The following PKD1L3 variants were observed in gnomAD, a reference collection of about 807,000 sequenced individuals.
PKD1L3 encodes the protein polycystin-1-like protein 3.
A neutral mutation model predicts 184.1 loss-of-function variants in PKD1L3; 239 were observed. The observed-to-expected ratio is 1.30, with a 90% CI of 1.17 to 1.45. The LOEUF (loss-of-function observed/expected upper bound fraction) is 1.45, where lower values mean the gene tolerates loss of function less well. Among genes scored for constraint, PKD1L3 ranks in the 40% most tolerant of loss-of-function variants. The probability of loss-of-function intolerance (pLI) is 0.00; values close to 1 mark genes in which losing one functional copy is unlikely to be tolerated. For synonymous variants in PKD1L3, 996 were observed against 778.8 expected (o/e 1.28, Z -4.64); for missense variants, 2,660 against 2,067.2 (o/e 1.29, Z -5.56).
chr16:71,943,022 G>C lies in PKD1L3; in HGVS notation c.3862C>G (p.Gln1288Glu), dbSNP rs948929350. The change falls in exon 24 of 30, where the codon CAA (glutamine) becomes GAA (glutamate). Residue 1288 changes from glutamine (Q) to glutamate (E), a missense_variant and splice_region_variant. Gln to Glu is a conservative substitution (Grantham distance 29). Coordinates refer to ENST00000620267, the MANE Select transcript of PKD1L3 (RefSeq NM_181536.2). ...ATCAACAGGGTAAGGAAGAGGATTT[G>C]TACTTGTTTAGAAGAGGAAAAAAAT... ...LFKLTGDILV[Q>E]ILFLTLLMTA... 7 of 1,546,392 alleles carry C rather than the reference G, an allele frequency of 4.5e-6. No homozygotes were observed. The highest frequency in any genetic ancestry group is 4.1e-5 in the African/African-American group (3 of 72,816).
intron 11 of PKD1L3, among the ~76,000 whole-genome samples, chr16:71,976,075 GT>G (rs2039908060): frequency 6.6e-6 from 1 of 151,718 alleles, no homozygotes; most frequent in Admixed American, 6.6e-5. Context: ...AGTCTCCCGA[GT>G]AGCTGGGATT....
chr16:71,955,275 TG>T (rs2039000866), intron 16 of PKD1L3, among the ~76,000 whole-genome samples: 1 of 151,720 alleles, frequency 6.6e-6, no homozygotes, highest in African/African-American at 2.4e-5. Flanking sequence ...TATGTGTGTG[TG>T]TGTGGAGGTG....
chr16:71,999,952 A>G lies in PKD1L3; in HGVS notation c.27T>C (p.Leu9=). 6.5e-7 allele frequency: 1 copy of G among 1,529,970 alleles called. No individual in the cohort carries two copies. Among genetic ancestry groups the G allele is most frequent in the Non-Finnish European group, 8.8e-7 (1 of 1,131,380 alleles). The allele number at this position is 1,529,970 out of a possible 1,614,324, so 94.8% of individuals were successfully genotyped here. A position where few individuals can be genotyped will look rare whatever the true frequency, so the allele number is the denominator to read the frequency against. The change falls in exon 1 of 30, where the codon CTT becomes CTC. Residue 9 remains leucine (L), a synonymous_variant. Coordinates refer to ENST00000620267, the MANE Select transcript of PKD1L3 (RefSeq NM_181536.2). MFFKGGSW[L]WLYIRTSIIL... is the part of the protein sequence containing the mutation. ...TAATACTTGTTCTGATGTATAACCA[A>G]AGCCAGCTTCCTCCTTTGAAGAACA... is the stretch of plus-strand genomic sequence containing the variant.
intron 16 of PKD1L3, among the ~76,000 whole-genome samples, chr16:71,956,666 G>A (rs1186396806): frequency 6.6e-6 from 1 of 152,126 alleles, no homozygotes; most frequent in East Asian, 1.9e-4. Context: ...AGGGTTGGAA[G>A]GGGGAGGGAA....
At position 71,930,062 on chromosome 16, in the gene PKD1L3, T is replaced by C; in HGVS notation, c.5048A>G (p.Lys1683Arg). The C allele has an allele frequency of 6.5e-7, 1 of 1,548,934 alleles. No individual in the cohort carries two copies. The highest frequency in any genetic ancestry group is 1.7e-4 in the Middle Eastern group (1 of 5,970). The change falls in exon 29 of 30, where the codon AAG (lysine) becomes AGG (arginine). Residue 1683 changes from lysine (K) to arginine (R), a missense_variant. Transcript: ENST00000620267. Reference protein sequence around the residue: ...AILMAFGKERKSLKKEAALID... With the variant: ...AILMAFGKERRSLKKEAALID... ...CTTTTAGTTACCTACCTTAAGCGAC[T>C]TTCTTTCTTTTCCAAAGGCCATGAG...
chr16:71,929,624 T>A lies in PKD1L3; in HGVS notation c.5113A>T (p.Ile1705Phe). Residue 1705 changes from isoleucine to phenylalanine, a missense_variant, in exon 30 of 30, where the codon ATC (isoleucine) becomes TTC (phenylalanine). Coordinates refer to ENST00000620267, the MANE Select transcript of PKD1L3 (RefSeq NM_181536.2). ...LLQKLSNLLG[I>F]SWPQKTSSEQ... The stretch of plus-strand genomic sequence containing the variant: ...GATGAGGTTTTTTGGGGCCAACTGA[T>A]TCCTAACAAATTTGAGAGCTTCTGT... 1 of 1,551,834 alleles carries A rather than the reference T, an allele frequency of 6.4e-7. No individual in the cohort carries two copies. The highest frequency in any genetic ancestry group is 1.2e-5 in the South Asian group (1 of 84,056).
chr16:71,956,020 G>A (rs1278452116), intron 16 of PKD1L3, among the ~76,000 whole-genome samples: 1 of 151,774 alleles, frequency 6.6e-6, no homozygotes, highest in Non-Finnish European at 1.5e-5. Context: ...ATAACACCTG[G>A]CTAAATTTTG....
intron 7 of PKD1L3, among the ~76,000 whole-genome samples, chr16:71,980,771 G>C (rs2040118779): frequency 6.6e-6 from 1 of 152,114 alleles, no homozygotes; most frequent in Non-Finnish European, 1.5e-5. Flanking sequence ...GGAGGTGGAG[G>C]TTGCAGAGCA....
chr16:71,998,431 G>C, intron 1 of PKD1L3, 37 bp from the exon 2 acceptor site: 2 of 1,524,628 alleles, frequency 1.3e-6, no homozygotes, highest in Non-Finnish European at 8.8e-7. Context: ...CCTCATACTC[G>C]AAAGCCAGGC....
At chr16:71,929,783 A>AAATAGTATCTTTACATT in intron 29 of PKD1L3, 105 bp from the exon 30 acceptor site, 1 of 1,166,714 alleles carries the variant, frequency 8.6e-7, no homozygotes, top group Non-Finnish European at 1.2e-6. Context: ...AAATGTAAAG[A>AAATAGTATCTTTACATT]TACTATTTCT....
intron 24 of PKD1L3, among the ~76,000 whole-genome samples, chr16:71,938,933 CAG>C (rs762159515): frequency 1.3e-5 from 2 of 152,218 alleles, no homozygotes; most frequent in Non-Finnish European, 2.9e-5. Flanking sequence ...GTAACACAAA[CAG>C]GGCTGAAACA....
intron 16 of PKD1L3, among the ~76,000 whole-genome samples, chr16:71,956,861 C>T (rs890830289): frequency 6.6e-6 from 1 of 152,088 alleles, no homozygotes; most frequent in Admixed American, 6.5e-5. Flanking sequence ...TAAACATACA[C>T]ATAAATAAAT....
At chr16:71,977,650 G>T (rs572389137) in intron 10 of PKD1L3, among the ~76,000 whole-genome samples, 183 bp from the exon 11 acceptor site, 12 of 149,700 alleles carry the variant, frequency 8.0e-5, no homozygotes, top group African/African-American at 3.0e-4. Flanking sequence ...TCCCGCTTCA[G>T]TCTCTCAAAA....
chr16:71,968,478 C>T lies in PKD1L3; in HGVS notation c.2185-471G>A, dbSNP rs376433588. On this transcript the variant is annotated intron_variant, in intron 13 of 29. Coordinates refer to ENST00000620267, the MANE Select transcript of PKD1L3 (RefSeq NM_181536.2). ...AGGGCAACAAGAAGTGAACACTTGG[C>T]GTATTCTAGAATTTCCAAGTGCAAG... is the stretch of plus-strand genomic sequence containing the variant. Among the ~76,000 whole-genome samples, 29 of 152,178 alleles carry T rather than the reference C, an allele frequency of 1.9e-4. 1 individual carries two copies. Among genetic ancestry groups the T allele is most frequent in the Admixed American group, 9.8e-4 (15 of 15,278 alleles).
intron 11 of PKD1L3, among the ~76,000 whole-genome samples, chr16:71,975,471 C>G (rs1448902873): frequency 6.6e-6 from 1 of 152,014 alleles, no homozygotes; most frequent in Non-Finnish European, 1.5e-5. Flanking sequence ...GCCTTTCTTC[C>G]TCAAATCTAA....
chr16:71,997,879 C>T (rs2040849007), intron 2 of PKD1L3, among the ~76,000 whole-genome samples: 1 of 152,140 alleles, frequency 6.6e-6, no homozygotes, highest in African/African-American at 2.4e-5. Context: ...GGATAACAGC[C>T]CTCTCACCGT....
chr16:71,955,060 A>G (rs2038992906), intron 16 of PKD1L3, among the ~76,000 whole-genome samples: 1 of 152,218 alleles, frequency 6.6e-6, no homozygotes, highest in South Asian at 2.1e-4. Flanking sequence ...GGACAGCTTC[A>G]TGACCAGGAA....
chr16:71,948,941 C>G (rs896638553), intron 21 of PKD1L3, among the ~76,000 whole-genome samples: 5 of 151,724 alleles, frequency 3.3e-5, no homozygotes, highest in African/African-American at 1.2e-4. Context: ...TCAGGCTGTC[C>G]CTTTGTATTT....
intron 3 of PKD1L3, among the ~76,000 whole-genome samples, chr16:71,991,647 A>G (rs1455743683): frequency 1.3e-5 from 2 of 152,204 alleles, no homozygotes. Flanking sequence ...AAGCAGCAAT[A>G]TGGCACGTAG....
Sources: allele counts gnomAD v4.1 joint callset (sites outside exome capture counted in the v4.1 genomes callset), GRCh38; gene constraint gnomAD v4.1.1; transcripts MANE v1.5; gene names NCBI Gene and HGNC (gene_info 2026-07-23, HGNC 2026-07-21).